Variants in PCDHGA3 observed in about 807,000 individuals in gnomAD.
The protein encoded by PCDHGA3 is protocadherin gamma-A3.
Under a neutral mutation model 58.5 loss-of-function variants are expected in PCDHGA3, and 40 were observed. The ratio of observed to expected loss-of-function variants is 0.68; its 90% CI spans 0.53 to 0.89. PCDHGA3 has a LOEUF of 0.89. Among genes scored for constraint, PCDHGA3 ranks in the 40% least tolerant of loss-of-function variants. The pLI is 0.00. For missense variants in PCDHGA3, 1,223 were observed against 1,195.9 expected, an observed-to-expected ratio of 1.02 and a Z score of -0.33; for synonymous variants, 530 against 525.7, an observed-to-expected ratio of 1.01 and a Z score of -0.11.
At chr5:141,393,806 C>CA in intron 1 of PCDHGA3, 12 of 1,613,866 alleles carry the variant, frequency 7.4e-6, no homozygotes, top group Non-Finnish European at 1.0e-5. Flanking sequence ...TGGGGAGGAC[C>CA]AAATTGCTCA....
chr5:141,389,840 C>T (rs2150401266), intron 1 of PCDHGA3: 2 of 1,614,048 alleles, frequency 1.2e-6, no homozygotes, highest in Non-Finnish European at 8.5e-7. Context: ...AGCCACCACT[C>T]TCGGCCACTG....
chr5:141,484,715 G>A (rs576646182), intron 1 of PCDHGA3, among the ~76,000 whole-genome samples: 1 of 152,130 alleles, frequency 6.6e-6, no homozygotes, highest in African/African-American at 2.4e-5. Context: ...CCGCCGAAAA[G>A]GGGCGGGGTC....
At chr5:141,372,507 C>T (rs1393188281) in intron 1 of PCDHGA3, 2 of 1,614,044 alleles carry the variant, frequency 1.2e-6, no homozygotes, top group Admixed American at 3.3e-5. Context: ...GCTCTTCCTC[C>T]TCGCGGTGAT....
chr5:141,461,072 A>G (rs555905734), intron 1 of PCDHGA3, among the ~76,000 whole-genome samples: 2 of 151,574 alleles, frequency 1.3e-5, no homozygotes, highest in Non-Finnish European at 2.9e-5. Flanking sequence ...ACATTTTTGC[A>G]ATTGTGAATT....
chr5:141,504,241 A>G (rs1282647590), intron 2 of PCDHGA3, among the ~76,000 whole-genome samples: 1 of 152,156 alleles, frequency 6.6e-6, no homozygotes, highest in Non-Finnish European at 1.5e-5. Flanking sequence ...AGAAGCAGAG[A>G]GTTCTTCTTA....
intron 1 of PCDHGA3, chr5:141,360,593 C>T (rs1007653206): frequency 6.2e-7 from 1 of 1,613,930 alleles, no homozygotes; most frequent in Non-Finnish European, 8.5e-7. Context: ...ACAACATTTC[C>T]ACTTGACCCA....
chr5:141,400,445 A>G (rs779145110), intron 1 of PCDHGA3: 1 of 1,614,084 alleles, frequency 6.2e-7, no homozygotes, highest in Non-Finnish European at 8.5e-7. Flanking sequence ...AGTTCAGGAC[A>G]AGACATACTT....
At chr5:141,395,374 T>G (rs145897132) in intron 1 of PCDHGA3, 6 of 1,187,780 alleles carry the variant, frequency 5.1e-6, no homozygotes, top group Non-Finnish European at 6.9e-6. Flanking sequence ...ATTTTGGTGG[T>G]GTTACTATAA....
At chr5:141,500,295 G>A (rs911106966) in intron 2 of PCDHGA3, among the ~76,000 whole-genome samples, 2 of 151,282 alleles carry the variant, frequency 1.3e-5, no homozygotes, top group African/African-American at 4.9e-5. Flanking sequence ...TGCAAGCTCC[G>A]CCTCCCAGGT....
chr5:141,444,640 G>A (rs192148868), intron 1 of PCDHGA3, among the ~76,000 whole-genome samples: 3 of 152,196 alleles, frequency 2.0e-5, no homozygotes, highest in Non-Finnish European at 2.9e-5. Flanking sequence ...GTTCATTGAG[G>A]TAGGGGTTGA....
At chr5:141,505,505 G>A (rs2099846270) in intron 3 of PCDHGA3, 24 bp downstream of exon 3, 1 of 1,614,132 alleles carries the variant, frequency 6.2e-7, no homozygotes, top group Non-Finnish European at 8.5e-7. Flanking sequence ...GTGTGTGTAT[G>A]GAAGAGTGGG....
At chr5:141,386,234 T>A (rs570347588) in intron 1 of PCDHGA3, among the ~76,000 whole-genome samples, 2 of 152,292 alleles carry the variant, frequency 1.3e-5, no homozygotes, top group Admixed American at 6.5e-5. Context: ...TACTGAAAAA[T>A]TCAGTTGGAA....
intron 1 of PCDHGA3, chr5:141,379,063 C>G (rs1026715251): frequency 6.6e-6 from 1 of 152,184 alleles, no homozygotes; most frequent in African/African-American, 2.4e-5. Flanking sequence ...GGATTGGCCA[C>G]TTGTGCATCT....
chr5:141,404,000 A>T (rs758512396), intron 1 of PCDHGA3: 2 of 1,613,956 alleles, frequency 1.2e-6, no homozygotes, highest in South Asian at 1.1e-5. Context: ...AGTGACCATT[A>T]CATCTCTGTT....
intron 1 of PCDHGA3, among the ~76,000 whole-genome samples, chr5:141,467,341 C>T (rs1169830103): frequency 6.6e-6 from 1 of 152,214 alleles, no homozygotes; most frequent in Non-Finnish European, 1.5e-5. Context: ...ACGTAAGCCA[C>T]TGCCCCCGGC....
chr5:141,475,980 C>G (rs758066578), intron 1 of PCDHGA3: 3 of 1,028,500 alleles, frequency 2.9e-6, no homozygotes, highest in Admixed American at 2.4e-5. Context: ...ACTGAACAGC[C>G]GGCGAGCAAA....
intron 1 of PCDHGA3, among the ~76,000 whole-genome samples, chr5:141,472,313 A>G (rs1411876003): frequency 6.7e-6 from 1 of 150,164 alleles, no homozygotes; most frequent in East Asian, 2.0e-4. Context: ...AAGCCGAGGC[A>G]GGCAGATCAC....
chr5:141,374,569 G>A, intron 1 of PCDHGA3: 2 of 1,613,666 alleles, frequency 1.2e-6, no homozygotes, highest in African/African-American at 1.3e-5. Context: ...ACCCTGATGT[G>A]GGAATGAACT....
chr5:141,361,879 G>A (rs755410945), intron 1 of PCDHGA3: 5 of 1,610,512 alleles, frequency 3.1e-6, no homozygotes, highest in South Asian at 1.1e-5. Context: ...GCCACGCGCC[G>A]CAGAGCCCGG....
Sources: gnomAD v4.1 joint callset for allele counts (sites outside exome capture counted in the v4.1 genomes callset) on GRCh38, gnomAD v4.1.1 for gene constraint, MANE v1.5 for transcripts, NCBI Gene and HGNC (gene_info 2026-07-23, HGNC 2026-07-21) for gene names.